ARHGAP25: variants seen among roughly 807,000 people sequenced by gnomAD.
The protein encoded by ARHGAP25 is rho GTPase-activating protein 25.
ARHGAP25 carries 34 observed loss-of-function variants against 71.0 expected under a neutral mutation model. That is an observed-to-expected ratio of 0.48 (90% CI 0.36 to 0.64). ARHGAP25 has a LOEUF of 0.64. ARHGAP25 is among the 30% of genes least tolerant of loss of function. The pLI is 0.00. For missense variants in ARHGAP25, 706 were observed against 805.1 expected (o/e 0.88, Z 1.49); for synonymous variants, 282 against 296.5 (o/e 0.95, Z 0.50).
chr2:68,821,151 C>T (rs4854460), intron 9 of ARHGAP25, among the ~76,000 whole-genome samples: 44,949 of 139,046 alleles, frequency 0.32, 7,077 homozygotes, highest in East Asian at 0.45. Context: ...AGCTGGAGTG[C>T]GGTGGTGCGA....
At chr2:68,821,066 T>C (rs1681616033) in intron 9 of ARHGAP25, among the ~76,000 whole-genome samples, 1 of 151,038 alleles carries the variant, frequency 6.6e-6, no homozygotes, top group African/African-American at 2.4e-5. Context: ...ATGAACACAC[T>C]GCCTTCAGTT....
intron 5 of ARHGAP25, among the ~76,000 whole-genome samples, chr2:68,808,005 A>C (rs1680504978): frequency 6.6e-6 from 1 of 152,190 alleles, no homozygotes; most frequent in South Asian, 2.1e-4. Flanking sequence ...TTGCAGGAGC[A>C]CATCCTGATA....
chr2:68,817,042 C>T (rs547923099), intron 7 of ARHGAP25: 145 of 152,316 alleles, frequency 9.5e-4, no homozygotes, highest in African/African-American at 3.3e-3. Context: ...TAAATCTTTA[C>T]ATACCTTAAT....
At chr2:68,756,930 G>A (rs1005357401) in intron 1 of ARHGAP25, among the ~76,000 whole-genome samples, 13 of 152,022 alleles carry the variant, frequency 8.6e-5, no homozygotes, top group African/African-American at 2.2e-4. Context: ...CAAGAAAATG[G>A]TGTATGCATT....
chr2:68,736,436 A>C (rs1279936167), intron 1 of ARHGAP25, among the ~76,000 whole-genome samples: 20 of 152,202 alleles, frequency 1.3e-4, no homozygotes, highest in Admixed American at 1.2e-3. Context: ...TACTTGGCTA[A>C]TGCTCAATCT....
At position 68,735,120 on chromosome 2, in the gene ARHGAP25, G is replaced by T; in HGVS notation, c.-80G>T. 1 of 1,187,380 alleles carries T rather than the reference G, an allele frequency of 8.4e-7. No homozygotes were observed. The highest frequency in any genetic ancestry group is 1.3e-6 in the Non-Finnish European group (1 of 791,152). The allele number at this position is 1,187,380 out of a possible 1,614,324, so 73.6% of individuals were successfully genotyped here. On this transcript the variant is annotated 5_prime_UTR_variant, in exon 1 of 11. Coordinates refer to ENST00000409202, the MANE Select transcript of ARHGAP25 (RefSeq NM_001007231.3). ...ACAAAAACAGACACAAAAACAGAGG[G>T]AAAGAGTGAAAAGACAAGAAGGGCG...
chr2:68,815,172 TGTCTACAC>T (rs1681108781), intron 6 of ARHGAP25, among the ~76,000 whole-genome samples: 1 of 152,206 alleles, frequency 6.6e-6, no homozygotes, highest in Non-Finnish European at 1.5e-5. Flanking sequence ...TGGCAATGCA[TGTCTACAC>T]ACAGGGACCA....
rs1677218732 is a variant in ARHGAP25, at chr2:68,767,805, C to T, written c.62-7416C>T. Among the ~76,000 whole-genome samples the T allele has an allele frequency of 6.6e-6, 1 of 152,196 alleles. No homozygotes were observed. Among genetic ancestry groups the T allele is most frequent in the South Asian group, 2.1e-4 (1 of 4,832 alleles). On this transcript the variant is annotated intron_variant, in intron 1 of 10. Transcript: ENST00000409202. The surrounding 1 kb of genome is among the most constrained non-coding windows in gnomAD (Gnocchi z 4.6). ...CACTGTGTTTTCGAGGCCTGCTGAG[C>T]CTTGCAGAGCATACACTGGCGGAAA... is the stretch of plus-strand genomic sequence containing the variant.
intron 5 of ARHGAP25, among the ~76,000 whole-genome samples, chr2:68,808,530 G>A (rs1680542768): frequency 6.6e-6 from 1 of 152,060 alleles, no homozygotes; most frequent in Non-Finnish European, 1.5e-5. Context: ...TGTCTTTCTT[G>A]CCCTTAATAA....
chr2:68,750,192 T>G (rs1242876226), intron 1 of ARHGAP25, among the ~76,000 whole-genome samples: 1 of 150,698 alleles, frequency 6.6e-6, no homozygotes, highest in Non-Finnish European at 1.5e-5. Context: ...TTTTTCTTTT[T>G]GTAGAGATGA....
chr2:68,751,099 A>G (rs7568671), intron 1 of ARHGAP25, among the ~76,000 whole-genome samples: 125,933 of 152,172 alleles, frequency 0.83, 52,309 homozygotes, highest in African/African-American at 0.87. Flanking sequence ...ATTGTCTACC[A>G]TTTCTGACTC....
At chr2:68,792,416 T>C (rs947755904) in intron 4 of ARHGAP25, among the ~76,000 whole-genome samples, 10 of 152,198 alleles carry the variant, frequency 6.6e-5, no homozygotes, top group African/African-American at 2.4e-4. Context: ...TTCCATCCCC[T>C]CATCCTTCTG....
intron 5 of ARHGAP25, among the ~76,000 whole-genome samples, chr2:68,809,967 CT>C (rs1248208613): frequency 6.6e-6 from 1 of 152,122 alleles, no homozygotes; most frequent in Non-Finnish European, 1.5e-5. Context: ...CTTCTCACCC[CT>C]ATGTGTCTGT....
intron 2 of ARHGAP25, among the ~76,000 whole-genome samples, chr2:68,724,025 C>A (rs938505157): frequency 6.6e-6 from 1 of 152,002 alleles, no homozygotes. Context: ...AGGTGTGCCA[C>A]CACGCCCAGC....
chr2:68,726,597 A>T (rs1020542948), intron 2 of ARHGAP25, among the ~76,000 whole-genome samples: 1 of 152,204 alleles, frequency 6.6e-6, no homozygotes, highest in African/African-American at 2.4e-5. Context: ...CCAGATATAA[A>T]TTTTTTGGCT....
chr2:68,718,527 A>G (rs570745020), intron 2 of ARHGAP25, among the ~76,000 whole-genome samples: 23 of 47,424 alleles, frequency 4.8e-4, no homozygotes, highest in Admixed American at 3.6e-3. Context: ...TAAGAAATAT[A>G]TAAGTGTGTG....
chr2:68,788,050 A>G, intron 4 of ARHGAP25, 94 bp downstream of exon 4: 1 of 980,518 alleles, frequency 1.0e-6, no homozygotes, highest in South Asian at 1.3e-5. Context: ...AGCAGTGCTC[A>G]AGGGAGACAA....
chr2:68,740,439 C>T (rs1383651278), intron 1 of ARHGAP25, among the ~76,000 whole-genome samples: 2 of 152,188 alleles, frequency 1.3e-5, no homozygotes, highest in Non-Finnish European at 2.9e-5. Context: ...GCCACCTTCC[C>T]TTCTCCTGCT....
intron 2 of ARHGAP25, chr2:68,775,908 T>G: frequency 3.2e-6 from 1 of 315,614 alleles, no homozygotes; most frequent in Non-Finnish European, 6.2e-6. Context: ...ACATAACAAA[T>G]AAGAAAAGTA....
Sources: allele counts gnomAD v4.1 joint callset (sites outside exome capture counted in the v4.1 genomes callset), GRCh38; gene constraint gnomAD v4.1.1; non-coding constraint Gnocchi (gnomAD v3.1); transcripts MANE v1.5; gene names NCBI Gene and HGNC (gene_info 2026-07-23, HGNC 2026-07-21).